The following SKAP2 variants were observed in gnomAD, a reference collection of about 807,000 sequenced individuals.
The protein encoded by SKAP2 is src kinase associated phosphoprotein 2.
Under a neutral mutation model 54.9 loss-of-function variants are expected in SKAP2, and 28 were observed. That is an observed-to-expected ratio of 0.51 (90% CI 0.38 to 0.70). The LOEUF (loss-of-function observed/expected upper bound fraction) is 0.70. Ranked by LOEUF, SKAP2 falls within the 30% of genes least tolerant of loss-of-function variation. SKAP2 has a pLI of 0.00. For synonymous variants in SKAP2, 137 were observed against 134.3 expected, an observed-to-expected ratio of 1.02 and a Z score of -0.14; for missense variants, 356 against 424.1, an observed-to-expected ratio of 0.84 and a Z score of 1.41.
chr7:26,822,351 A>T (rs894144676), intron 4 of SKAP2, among the ~76,000 whole-genome samples: 1 of 151,978 alleles, frequency 6.6e-6, no homozygotes, highest in South Asian at 2.1e-4. Flanking sequence ...AATATTTCAA[A>T]TTTTTTCATT....
intron 4 of SKAP2, among the ~76,000 whole-genome samples, chr7:26,812,405 T>G (rs991964578): frequency 5.9e-5 from 9 of 152,148 alleles, no homozygotes; most frequent in African/African-American, 2.2e-4. Context: ...TTCACACCAG[T>G]GCACTTTTCT....
intron 4 of SKAP2, among the ~76,000 whole-genome samples, chr7:26,775,562 T>C (rs1783286881): frequency 6.7e-6 from 1 of 149,438 alleles, no homozygotes; most frequent in Admixed American, 6.7e-5. Context: ...TGTGTGTGTG[T>C]GTGTGTGTTT....
At chr7:26,843,942 G>A in intron 4 of SKAP2, 88 bp downstream of exon 4, 3 of 821,700 alleles carry the variant, frequency 3.7e-6, no homozygotes, top group Non-Finnish European at 6.1e-6. Context: ...AAGCCTCTAT[G>A]TTCATCTGCT....
At chr7:26,713,134 C>T (rs1203114134) in intron 9 of SKAP2, among the ~76,000 whole-genome samples, 1 of 152,184 alleles carries the variant, frequency 6.6e-6, no homozygotes, top group African/African-American at 2.4e-5. Context: ...TCTTGAACAC[C>T]CCAGGATTGT....
At chr7:26,833,414 G>C (rs1364716616) in intron 4 of SKAP2, among the ~76,000 whole-genome samples, 2 of 121,432 alleles carry the variant, frequency 1.6e-5, no homozygotes, top group African/African-American at 2.9e-5. Context: ...AAAAAAAAAA[G>C]ACACAGACTG....
rs551219547 is a variant in SKAP2 at position 26,669,454 on chromosome 7, CT to C, written c.*211del. 15 of 152,198 alleles carry C rather than the reference CT, an allele frequency of 9.9e-5. No individual in the cohort carries two copies. Among genetic ancestry groups the C allele is most frequent in the Admixed American group, 7.2e-4 (11 of 15,290 alleles). The allele number at this position is 152,198 out of a possible 1,614,324, so 9.4% of individuals were successfully genotyped here. On this transcript the variant is annotated 3_prime_UTR_variant, in exon 13 of 13. Transcript: ENST00000345317. ...CTTTGCAAAATAGCAACAGGTATAA[CT>C]TAACTGGTTGCATCTAATTTACATT...
intron 4 of SKAP2, among the ~76,000 whole-genome samples, chr7:26,811,704 G>A (rs923861504): frequency 4.1e-4 from 62 of 152,210 alleles, no homozygotes; most frequent in African/African-American, 1.5e-3. Flanking sequence ...CTTTTGTTAT[G>A]TATCCCAAAA....
chr7:26,819,475 C>T (rs1388156759), intron 4 of SKAP2, among the ~76,000 whole-genome samples: 1 of 151,650 alleles, frequency 6.6e-6, no homozygotes, highest in Non-Finnish European at 1.5e-5. Flanking sequence ...ATGTAGATGA[C>T]GGGTTGATGG....
rs145206308 is a variant in SKAP2 at position 26,775,851 on chromosome 7, C to T, written c.308-35887G>A. ...CTGCCCAAAGTTTCATTCAAGTTGTCATGTGTATCAATAGTTTGTTCTTTT... is the reference window on the plus strand; with the variant it reads ...CTGCCCAAAGTTTCATTCAAGTTGTTATGTGTATCAATAGTTTGTTCTTTT... On this transcript the variant is annotated intron_variant, in intron 4 of 12. Coordinates refer to ENST00000345317, the MANE Select transcript of SKAP2 (RefSeq NM_003930.5). Among the ~76,000 whole-genome samples, 877 of 152,232 alleles carry T rather than the reference C, an allele frequency of 5.8e-3. 31 individuals carry two copies. Among genetic ancestry groups the T allele is most frequent in the Admixed American group, 0.048 (733 of 15,274 alleles).
chr7:26,850,344 G>A (rs1003592994), intron 3 of SKAP2, among the ~76,000 whole-genome samples: 1 of 152,064 alleles, frequency 6.6e-6, no homozygotes, highest in African/African-American at 2.4e-5. Context: ...ACTTTGGGAG[G>A]CCAAGGCGGG....
intron 3 of SKAP2, among the ~76,000 whole-genome samples, chr7:26,846,558 CA>C (rs897937720): frequency 1.3e-5 from 2 of 151,976 alleles, no homozygotes; most frequent in Admixed American, 6.6e-5. Context: ...GCTATAAACT[CA>C]AAGTAAAGAG....
At chr7:26,738,742 T>A in intron 6 of SKAP2, 53 bp downstream of exon 6, 1 of 981,962 alleles carries the variant, frequency 1.0e-6, no homozygotes, top group South Asian at 1.3e-5. Flanking sequence ...GGGGAAGGGA[T>A]GGCCAAAAAT....
At chr7:26,760,160 A>G (rs1782893674) in intron 4 of SKAP2, among the ~76,000 whole-genome samples, 1 of 152,210 alleles carries the variant, frequency 6.6e-6, no homozygotes, top group Non-Finnish European at 1.5e-5. Flanking sequence ...TTTCCTTAAC[A>G]GAGTTATTTC....
intron 4 of SKAP2, among the ~76,000 whole-genome samples, chr7:26,826,764 G>C (rs1431166823): frequency 1.3e-5 from 2 of 151,906 alleles, no homozygotes; most frequent in African/African-American, 4.8e-5. Flanking sequence ...TATAAATAAG[G>C]TCCTTAAAGA....
chr7:26,764,316 A>G (rs142199144), intron 4 of SKAP2, among the ~76,000 whole-genome samples: 2 of 152,284 alleles, frequency 1.3e-5, no homozygotes, highest in Admixed American at 6.5e-5. Context: ...TAGCATAGTC[A>G]TTCTCTATAG....
At chr7:26,827,958 A>C (rs1354206144) in intron 4 of SKAP2, among the ~76,000 whole-genome samples, 2 of 152,196 alleles carry the variant, frequency 1.3e-5, no homozygotes, top group African/African-American at 4.8e-5. Flanking sequence ...GGAAAAAATA[A>C]ATAAATAAAT....
chr7:26,807,716 T>G (rs1166059316), intron 4 of SKAP2, among the ~76,000 whole-genome samples: 2 of 152,178 alleles, frequency 1.3e-5, no homozygotes, highest in Non-Finnish European at 2.9e-5. Context: ...TCAATCAATG[T>G]GGCAAAACTC....
At chr7:26,737,231 T>C (rs1287522669) in intron 6 of SKAP2, among the ~76,000 whole-genome samples, 1 of 152,220 alleles carries the variant, frequency 6.6e-6, no homozygotes, top group Non-Finnish European at 1.5e-5. Flanking sequence ...CACAATATCA[T>C]ACAAAACTAT....
intron 4 of SKAP2, among the ~76,000 whole-genome samples, chr7:26,799,344 T>C (rs1282735231): frequency 2.6e-5 from 4 of 151,224 alleles, no homozygotes; most frequent in East Asian, 1.9e-4. Context: ...TAAGCACACA[T>C]AGACTAAAAT....
Sources: allele counts gnomAD v4.1 joint callset (sites outside exome capture counted in the v4.1 genomes callset), GRCh38; gene constraint gnomAD v4.1.1; transcripts MANE v1.5; gene names NCBI Gene and HGNC (gene_info 2026-07-23, HGNC 2026-07-21).